The following DENND2B variants were observed in gnomAD, a reference collection of about 807,000 sequenced individuals.
The protein encoded by DENND2B is DENN domain-containing protein 2B.
DENND2B carries 32 observed loss-of-function variants against 116.0 expected under a neutral mutation model. The observed-to-expected ratio is 0.28, with a 90% CI of 0.21 to 0.37. DENND2B has a LOEUF of 0.37. Ranked by LOEUF, DENND2B falls within the 10% of genes least tolerant of loss-of-function variation. The pLI is 1.00. For missense variants in DENND2B, 1,276 were observed against 1,477.7 expected (o/e 0.86, Z 2.24); for synonymous variants, 588 against 583.9 (o/e 1.01, Z -0.10).
At chr11:8,800,051 T>G (rs2060186129) in intron 1 of DENND2B, among the ~76,000 whole-genome samples, 1 of 151,934 alleles carries the variant, frequency 6.6e-6, no homozygotes, top group Non-Finnish European at 1.5e-5. Context: ...ACTCCAGGGC[T>G]CAAGCAATCA....
At chr11:8,787,512 T>G (rs964497970) in intron 1 of DENND2B, among the ~76,000 whole-genome samples, 14 of 152,070 alleles carry the variant, frequency 9.2e-5, no homozygotes, top group African/African-American at 3.4e-4. Context: ...ACCAGTAAAC[T>G]CAGCAGGAAG....
At chr11:8,835,426 A>G (rs1447684624) in intron 4 of DENND2B, among the ~76,000 whole-genome samples, 1 of 152,210 alleles carries the variant, frequency 6.6e-6, no homozygotes, top group Admixed American at 6.5e-5. Context: ...TCCTTTCAGA[A>G]GTATTCTTGG....
intron 1 of DENND2B, among the ~76,000 whole-genome samples, chr11:8,910,644 TGTGTGTGG>T (rs1566099295): frequency 1.0e-5 from 1 of 95,884 alleles, no homozygotes; most frequent in East Asian, 4.6e-4. Context: ...TGTGTGTGTG[TGTGTGTGG>T]ACACGGGTTG....
chr11:8,886,545 A>G (rs1380286354), intron 1 of DENND2B, among the ~76,000 whole-genome samples: 1 of 151,890 alleles, frequency 6.6e-6, no homozygotes, highest in Non-Finnish European at 1.5e-5. Context: ...TGGAGAACCT[A>G]GATAAACAGA....
intron 1 of DENND2B, chr11:8,772,010 T>C (rs187479497): frequency 6.6e-6 from 1 of 152,174 alleles, no homozygotes; most frequent in Admixed American, 6.5e-5. Context: ...AAATATGGCA[T>C]GCCGACATAG....
At chr11:8,804,015 G>T (rs1468565406) in intron 1 of DENND2B, among the ~76,000 whole-genome samples, 1 of 152,220 alleles carries the variant, frequency 6.6e-6, no homozygotes, top group African/African-American at 2.4e-5. Context: ...AAAGGGGCAG[G>T]CGAGAAGCAG....
intron 18 of DENND2B, chr11:8,695,880 G>A (rs2040264955): frequency 1.6e-5 from 6 of 376,722 alleles, no homozygotes; most frequent in South Asian, 1.3e-4. Context: ...TTCCAAAAAG[G>A]TTGTTATACT....
intron 1 of DENND2B, among the ~76,000 whole-genome samples, chr11:8,752,782 A>C (rs1268564058): frequency 6.6e-6 from 1 of 152,212 alleles, no homozygotes; most frequent in Non-Finnish European, 1.5e-5. Flanking sequence ...ATGAAGATTA[A>C]AATTTAAGGG....
In DENND2B at chr11:8,744,132, G is replaced by GT. The variant is rs376495586; in HGVS notation, c.80+6488dup. Among the ~76,000 whole-genome samples the GT allele has an allele frequency of 6.9e-3, 945 of 136,752 alleles. 5 individuals carry two copies. The highest frequency in any genetic ancestry group is 9.0e-3 in the East Asian group (42 of 4,684). 89.7% of individuals were successfully genotyped at this position (136,752 alleles called of 152,430 possible). On this transcript the variant is annotated intron_variant, in intron 2 of 19. Transcript: ENST00000313726. ...AAATGATTCATAAGAAACCCATGAA[G>GT]TTTTTTTTTTTTTTTTGGGGGACAG...
chr11:8,866,023 G>C (rs947867688), intron 2 of DENND2B, among the ~76,000 whole-genome samples: 1 of 151,758 alleles, frequency 6.6e-6, no homozygotes, highest in Admixed American at 6.6e-5. Flanking sequence ...GCAGTGGCGC[G>C]ATCTCGGCTC....
chr11:8,863,832 T>C (rs2063489291), intron 2 of DENND2B, among the ~76,000 whole-genome samples: 1 of 152,074 alleles, frequency 6.6e-6, no homozygotes, highest in African/African-American at 2.4e-5. Flanking sequence ...TCCCCTCCCA[T>C]ACAATTATAC....
At chr11:8,792,554 T>C (rs2134342474) in intron 1 of DENND2B, among the ~76,000 whole-genome samples, 1 of 152,304 alleles carries the variant, frequency 6.6e-6, no homozygotes, top group Non-Finnish European at 1.5e-5. Context: ...TAATGCCGTA[T>C]GTATGTAAAA....
intron 1 of DENND2B, among the ~76,000 whole-genome samples, chr11:8,888,727 A>C (rs2063990023): frequency 1.3e-5 from 2 of 152,172 alleles, no homozygotes; most frequent in Non-Finnish European, 2.9e-5. Flanking sequence ...CTCGACAACA[A>C]AAAACAACAT....
chr11:8,846,432 G>A (rs538914194), intron 3 of DENND2B, among the ~76,000 whole-genome samples: 3 of 152,234 alleles, frequency 2.0e-5, no homozygotes, highest in Non-Finnish European at 2.9e-5. Context: ...CCAAAGCAGC[G>A]CCCAGGCTGA....
At chr11:8,697,073 G>A (rs572109508) in intron 17 of DENND2B, among the ~76,000 whole-genome samples, 1 of 152,340 alleles carries the variant, frequency 6.6e-6, no homozygotes, top group African/African-American at 2.4e-5. Context: ...GCCTCTGGAA[G>A]CTTGCTTTCT....
intron 1 of DENND2B, among the ~76,000 whole-genome samples, chr11:8,793,923 A>G (rs2316865): frequency 0.35 from 52,834 of 152,168 alleles, 11,152 homozygotes; most frequent in Non-Finnish European, 0.45. Context: ...CTAAATGTAC[A>G]TAAAAATGCA....
intron 2 of DENND2B, among the ~76,000 whole-genome samples, chr11:8,749,510 C>A (rs1277673465): frequency 6.6e-6 from 1 of 152,242 alleles, no homozygotes; most frequent in Admixed American, 6.5e-5. Flanking sequence ...TCTATTGGGA[C>A]AAAGTCCTGT....
intron 1 of DENND2B, among the ~76,000 whole-genome samples, chr11:8,802,699 C>T (rs181550417): frequency 3.9e-5 from 6 of 152,262 alleles, no homozygotes; most frequent in Admixed American, 2.6e-4. Flanking sequence ...TGGCATTTTT[C>T]GCCACTGAGA....
chr11:8,708,859 G>A (rs772596536), intron 11 of DENND2B, among the ~76,000 whole-genome samples: 19 of 152,158 alleles, frequency 1.2e-4, no homozygotes, highest in Non-Finnish European at 1.8e-4. Flanking sequence ...GCTAAGGCAG[G>A]AGAATCGCTT....
Sources: gnomAD v4.1 joint callset for allele counts (sites outside exome capture counted in the v4.1 genomes callset) on GRCh38, gnomAD v4.1.1 for gene constraint, MANE v1.5 for transcripts, NCBI Gene and HGNC (gene_info 2026-07-23, HGNC 2026-07-21) for gene names.